The following LYSMD4 variants were observed in gnomAD, a reference collection of about 807,000 sequenced individuals.
LYSMD4 encodes LysM domain containing 4, also known as lysM and putative peptidoglycan-binding domain-containing protein 4.
In LYSMD4, 9 loss-of-function variants were observed where a neutral mutation model predicts 6.1. The ratio of observed to expected loss-of-function variants is 1.47; its 90% CI spans 0.88 to 2.56. The LOEUF (loss-of-function observed/expected upper bound fraction) is 2.56. LYSMD4 is among the 30% of genes most tolerant of loss of function. The pLI is 0.00. For missense variants in LYSMD4, 384 were observed against 373.5 expected (o/e 1.03, Z -0.23); for synonymous variants, 143 against 148.5 (o/e 0.96, Z 0.27).
At chr15:99,733,102 C>T in intron 1 of LYSMD4, 1 of 362,046 alleles carries the variant, frequency 2.8e-6, no homozygotes, top group Non-Finnish European at 4.9e-6. Context: ...GGCTCCACGG[C>T]TCCACGGGCG....
At position 99,728,716 on chromosome 15, in the gene LYSMD4, G is replaced by C. The variant is rs970987325; in HGVS notation, c.*407C>G. 2 of 220,436 alleles carry C rather than the reference G, an allele frequency of 9.1e-6. No individual in the cohort carries two copies. Among genetic ancestry groups the C allele is most frequent in the Admixed American group, 1.0e-4 (2 of 20,094 alleles). 13.7% of individuals were successfully genotyped at this position (220,436 alleles called of 1,614,324 possible). On this transcript the variant is annotated 3_prime_UTR_variant, in exon 3 of 3. Transcript: ENST00000684762. ...CTCAGAGCCAATCCCCGCTCCACAG[G>C]AAGTGAGGATACAGCAAGAGCCAGG...
In LYSMD4 at chr15:99,727,973, A is replaced by G. The variant is rs1597384685; in HGVS notation, c.*1150T>C. 1 of 152,314 alleles carries G rather than the reference A, an allele frequency of 6.6e-6. No individual in the cohort carries two copies. The highest frequency in any genetic ancestry group is 2.1e-4 in the South Asian group (1 of 4,836). The allele number at this position is 152,314 out of a possible 1,614,324, so 9.4% of individuals were successfully genotyped here. On this transcript the variant is annotated 3_prime_UTR_variant, in exon 3 of 3. Coordinates refer to ENST00000684762, the MANE Select transcript of LYSMD4 (RefSeq NM_001284417.2). The stretch of plus-strand genomic sequence containing the variant: ...CCGCAGTCCCCAGCCCATCCACAGC[A>G]CCACTGCTGCCTTGGCAGCGAGAAG...
At chr15:99,725,165 T>TGGGAAGAAAGCTGAGGCGGTGC (rs2059267998), downstream of LYSMD4, among the ~76,000 whole-genome samples, 1 of 152,128 alleles carries the variant, frequency 6.6e-6, no homozygotes, top group African/African-American at 2.4e-5. Flanking sequence ...AGGCAAGGTG[T>TGGGAAGAAAGCTGAGGCGGTGC]TGGGAAGAAA....
chr15:99,728,869 T>A lies in LYSMD4; in HGVS notation c.*254A>T. ...GCTATGAACTGGCCAGTCCACTAAA[T>A]GTCACAGGGAAATGGCTCTCTTGCT... On this transcript the variant is annotated 3_prime_UTR_variant, in exon 3 of 3. Coordinates refer to ENST00000684762, the MANE Select transcript of LYSMD4 (RefSeq NM_001284417.2). 1.9e-6 allele frequency: 1 copy of A among 531,666 alleles called. No homozygotes were observed. The highest frequency in any genetic ancestry group is 3.3e-5 in the East Asian group (1 of 30,350). 32.9% of individuals were successfully genotyped at this position (531,666 alleles called of 1,614,324 possible). A position where few individuals can be genotyped will look rare whatever the true frequency, so the allele number is the denominator to read the frequency against.
chr15:99,725,399 A>G (rs2059270200), downstream of LYSMD4, among the ~76,000 whole-genome samples: 1 of 152,200 alleles, frequency 6.6e-6, no homozygotes, highest in South Asian at 2.1e-4. Context: ...TGGATTACCA[A>G]TAAATAGCAT....
chr15:99,733,262 C>T (rs1209237497), intron 1 of LYSMD4, 83 bp downstream of exon 1: 28 of 384,350 alleles, frequency 7.3e-5, no homozygotes, highest in Admixed American at 6.3e-4. Context: ...CGCGAACCCT[C>T]GAGCGAGGCC....
chr15:99,717,384 A>C (rs1164222019), exon 1 of LYSMD4: 2 of 152,308 alleles, frequency 1.3e-5, no homozygotes, highest in Non-Finnish European at 2.9e-5. Flanking sequence ...GCCCTGTGCC[A>C]GCTGATTGGC....
intron 2 of LYSMD4, 143 bp from the exon 3 acceptor site, chr15:99,729,874 G>C (rs1279169530): frequency 9.2e-7 from 1 of 1,089,128 alleles, no homozygotes; most frequent in Non-Finnish European, 1.3e-6. Context: ...AACTGCAGCT[G>C]TACACAAAGT....
chr15:99,727,122 C>T (rs2059291012), downstream of LYSMD4, among the ~76,000 whole-genome samples: 1 of 152,200 alleles, frequency 6.6e-6, no homozygotes, highest in Non-Finnish European at 1.5e-5. Flanking sequence ...CGTCTGTAAT[C>T]CTAGCACTTA....
chr15:99,729,485 T>TA lies in LYSMD4; in HGVS notation c.528dup (p.Ile177TyrfsTer2), dbSNP rs755123508. On this transcript the variant is annotated frameshift_variant, in exon 3 of 3. Transcript: ENST00000684762. LOFTEE classifies it low-confidence loss of function (END_TRUNC). ...ATTTCTGACTGCACTGCACGCTCAATATCCTGGTCAATCCCCTTAAAGAAG... is the reference window on the plus strand; with the variant it reads ...ATTTCTGACTGCACTGCACGCTCAATAATCCTGGTCAATCCCCTTAAAGAAG... 1.9e-6 allele frequency: 3 copies of TA among 1,614,028 alleles called. No individual in the cohort carries two copies. The South Asian group carries it at 3.3e-5, about 18-fold the overall frequency.
At chr15:99,727,348 C>G (rs1396756639), downstream of LYSMD4, 1 of 152,046 alleles carries the variant, frequency 6.6e-6, no homozygotes, top group East Asian at 1.9e-4. Context: ...GCACTCCAGC[C>G]TGGGGGAAGG....
At chr15:99,731,421 T>C (rs2059407692) in intron 2 of LYSMD4, 1 of 1,609,696 alleles carries the variant, frequency 6.2e-7, no homozygotes, top group South Asian at 1.1e-5. Context: ...AAATAAAATG[T>C]GCTCGAAAGA....
At chr15:99,731,627 G>A (rs920238190) in intron 2 of LYSMD4, 91 bp downstream of exon 2, 18 of 1,522,776 alleles carry the variant, frequency 1.2e-5, no homozygotes, top group Admixed American at 1.1e-4. Flanking sequence ...GCCTGGCAGG[G>A]TTAAGAAGGG....
chr15:99,732,311 GCT>G (rs2059438166), intron 1 of LYSMD4, among the ~76,000 whole-genome samples: 1 of 152,146 alleles, frequency 6.6e-6, no homozygotes, highest in Non-Finnish European at 1.5e-5. Context: ...AACTACTTTT[GCT>G]CTCAGAGTAG....
At chr15:99,731,504 G>A (rs981019492) in intron 2 of LYSMD4, 2 of 1,579,536 alleles carry the variant, frequency 1.3e-6, no homozygotes, top group Admixed American at 2.0e-5. Flanking sequence ...AAAGAAATGC[G>A]CTAACCCTCC....
chr15:99,729,027 G>A lies in LYSMD4; in HGVS notation c.*96C>T. ...TCTGAAAAGTGTCCATCCTTCCCCG[G>A]AAGCAAAATGCAGCACCCCTAGGAC... On this transcript the variant is annotated 3_prime_UTR_variant, in exon 3 of 3. Transcript: ENST00000684762. The A allele has an allele frequency of 2.0e-6, 3 of 1,517,712 alleles. No individual in the cohort carries two copies. The highest frequency in any genetic ancestry group is 2.7e-6 in the Non-Finnish European group (3 of 1,120,426). The allele number at this position is 1,517,712 out of a possible 1,614,324, so 94.0% of individuals were successfully genotyped here. A position where few individuals can be genotyped will look rare whatever the true frequency, so the allele number is the denominator to read the frequency against.
rs760324722 is a variant in LYSMD4 at position 99,729,439 on chromosome 15, C to T, written c.575G>A (p.Cys192Tyr). Reference protein sequence around the residue: ...QSEIFLHESYCMDTSHQPLLP... With the variant: ...QSEIFLHESYYMDTSHQPLLP... ...CAGTGGCTGATGGGAGGTGTCCATG[C>T]AGTAACTTTCATGTAGAAAGATTTC... is the stretch of plus-strand genomic sequence containing the variant. The change falls in exon 3 of 3, where the codon TGC becomes TAC. Residue 192 changes from cysteine (C) to tyrosine (Y), a missense_variant. Cys to Tyr is a radical substitution (Grantham distance 194). Transcript: ENST00000684762. The T allele has an allele frequency of 2.1e-5, 34 of 1,614,064 alleles. No homozygotes were observed. Among genetic ancestry groups the T allele is most frequent in the Non-Finnish European group, 2.9e-5 (34 of 1,180,052 alleles).
intron 1 of LYSMD4, chr15:99,733,058 G>A: frequency 3.0e-6 from 1 of 329,162 alleles, no homozygotes; most frequent in East Asian, 4.5e-5. Flanking sequence ...CTCAACAAGA[G>A]CTGACAGGAA....
intron 1 of LYSMD4, among the ~76,000 whole-genome samples, chr15:99,732,769 C>T (rs765535204): frequency 3.3e-5 from 5 of 152,402 alleles, no homozygotes; most frequent in Admixed American, 1.3e-4. Context: ...TTCGGAGCCA[C>T]AGGGGAGCAG....
Sources: allele counts gnomAD v4.1 joint callset (sites outside exome capture counted in the v4.1 genomes callset), GRCh38; gene constraint gnomAD v4.1.1; transcripts MANE v1.5; gene names NCBI Gene and HGNC (gene_info 2026-07-23, HGNC 2026-07-21).